MYO16: variants seen among roughly 807,000 people sequenced by gnomAD.
The protein encoded by MYO16 is myosin XVI.
A neutral mutation model predicts 205.3 loss-of-function variants in MYO16; 94 were observed. The observed-to-expected ratio is 0.46, with a 90% CI of 0.39 to 0.54. The LOEUF (loss-of-function observed/expected upper bound fraction) is 0.54, where lower values mean the gene tolerates loss of function less well. Among genes scored for constraint, MYO16 ranks in the 20% least tolerant of loss-of-function variants. MYO16 has a pLI of 0.00. For synonymous variants in MYO16, 988 were observed against 954.0 expected (o/e 1.04, Z -0.66); for missense variants, 2,315 against 2,387.5 (o/e 0.97, Z 0.63).
intron 32 of MYO16, among the ~76,000 whole-genome samples, chr13:109,160,647 GTATTCAC>G (rs1441804773): frequency 6.6e-6 from 1 of 152,136 alleles, no homozygotes; most frequent in Non-Finnish European, 1.5e-5. Context: ...AGGATGTACA[GTATTCAC>G]TTCCTTAGTT....
chr13:109,084,591 A>C (rs1330588915), intron 27 of MYO16, among the ~76,000 whole-genome samples: 1 of 152,218 alleles, frequency 6.6e-6, no homozygotes, highest in Non-Finnish European at 1.5e-5. Flanking sequence ...TATTAGAATC[A>C]TATTAAATAA....
intron 9 of MYO16, among the ~76,000 whole-genome samples, chr13:108,825,175 A>G (rs1876185036): frequency 6.6e-6 from 1 of 152,122 alleles, no homozygotes; most frequent in Non-Finnish European, 1.5e-5. Context: ...AGGTTGAGCC[A>G]CATATAAAAA....
intron 34 of MYO16, among the ~76,000 whole-genome samples, chr13:109,180,601 G>A (rs912100845): frequency 4.6e-5 from 7 of 152,144 alleles, no homozygotes; most frequent in Non-Finnish European, 8.8e-5. Context: ...GGAATATTTA[G>A]CATTATAGAG....
chr13:108,694,661 G>T (rs1165219388), intron 2 of MYO16, among the ~76,000 whole-genome samples: 3 of 151,956 alleles, frequency 2.0e-5, no homozygotes, highest in Non-Finnish European at 4.4e-5. Flanking sequence ...CATTCTGTGG[G>T]TTTTTAACAT....
At chr13:108,699,970 A>G (rs1466070727) in intron 2 of MYO16, among the ~76,000 whole-genome samples, 1 of 152,172 alleles carries the variant, frequency 6.6e-6, no homozygotes, top group East Asian at 1.9e-4. Flanking sequence ...TTCATAAAGC[A>G]CTGAGAACAC....
intron 21 of MYO16, among the ~76,000 whole-genome samples, chr13:109,002,116 C>G (rs1336983875): frequency 6.6e-6 from 1 of 152,256 alleles, no homozygotes; most frequent in South Asian, 2.1e-4. Context: ...TGCCTGCACC[C>G]CACTCCAATT....
At chr13:108,835,677 T>C (rs2139051649) in intron 9 of MYO16, among the ~76,000 whole-genome samples, 1 of 152,230 alleles carries the variant, frequency 6.6e-6, no homozygotes, top group South Asian at 2.1e-4. Context: ...ATATGGACAA[T>C]GAAGTCCAGG....
chr13:108,669,003 A>C (rs1881864803), intron 2 of MYO16, among the ~76,000 whole-genome samples: 2 of 152,078 alleles, frequency 1.3e-5, no homozygotes, highest in Non-Finnish European at 2.9e-5. Flanking sequence ...GTTGTGAATG[A>C]GATGGGGTGG....
At chr13:108,939,939 G>T (rs1594411675) in intron 16 of MYO16, among the ~76,000 whole-genome samples, 1 of 152,122 alleles carries the variant, frequency 6.6e-6, no homozygotes, top group African/African-American at 2.4e-5. Context: ...AAGTAGAGGA[G>T]AATTTGTCCT....
At chr13:108,827,513 C>A (rs1008343174) in intron 9 of MYO16, among the ~76,000 whole-genome samples, 1 of 152,144 alleles carries the variant, frequency 6.6e-6, no homozygotes, top group Non-Finnish European at 1.5e-5. Flanking sequence ...CCATATTTCA[C>A]GTTTTCTAAG....
At chr13:109,136,506 T>C (rs928421080) in intron 31 of MYO16, among the ~76,000 whole-genome samples, 3 of 152,238 alleles carry the variant, frequency 2.0e-5, no homozygotes, top group African/African-American at 7.2e-5. Context: ...TAGTTCTTTC[T>C]TTACTTTATC....
At chr13:109,029,395 G>T (rs1476224488) in intron 23 of MYO16, among the ~76,000 whole-genome samples, 1 of 151,964 alleles carries the variant, frequency 6.6e-6, no homozygotes, top group African/African-American at 2.4e-5. Flanking sequence ...CATGCTTGCG[G>T]GATCTCTGTC....
At chr13:108,605,942 T>C (rs1256540076) in intron 1 of MYO16, among the ~76,000 whole-genome samples, 3 of 152,150 alleles carry the variant, frequency 2.0e-5, no homozygotes, top group South Asian at 2.1e-4. Flanking sequence ...AAAATTCTGA[T>C]AGTGATATGG....
chr13:109,066,255 T>C (rs902525539), intron 27 of MYO16, among the ~76,000 whole-genome samples: 2 of 152,208 alleles, frequency 1.3e-5, no homozygotes, highest in Admixed American at 1.3e-4. Context: ...TTGTTACATG[T>C]TGGAGATGCC....
chr13:109,148,200 T>C (rs186141054), intron 32 of MYO16, among the ~76,000 whole-genome samples: 2 of 152,274 alleles, frequency 1.3e-5, no homozygotes, highest in East Asian at 1.9e-4. Flanking sequence ...ACCAAATTTA[T>C]CTATGTTAAG....
intron 1 of MYO16, among the ~76,000 whole-genome samples, chr13:108,596,746 G>A (rs6492126): frequency 0.97 from 147,757 of 152,284 alleles, 71,850 homozygotes; most frequent in East Asian, 1. Flanking sequence ...TTTTGCATAT[G>A]TCATATTTTC....
chr13:109,087,763 C>T (rs1475573490), intron 27 of MYO16, among the ~76,000 whole-genome samples: 1 of 152,208 alleles, frequency 6.6e-6, no homozygotes, highest in African/African-American at 2.4e-5. Context: ...CTAAATCTAC[C>T]TGTTTAATTT....
Position 109,076,382 on chromosome 13 carries a change from TG to T in MYO16, c.3335+20788del, listed in dbSNP as rs1487180217. ...TCTTTCTTCTAATATAAACATTTAA[TG>T]TAAACTTCCCTCTGTTTGTTGAAAC... On this transcript the variant is annotated intron_variant, in intron 27 of 34. Coordinates refer to ENST00000457511, the MANE Select transcript of MYO16 (RefSeq NM_001198950.3). Among the ~76,000 whole-genome samples, 7 of 152,296 alleles carry T rather than the reference TG, an allele frequency of 4.6e-5. No homozygotes were observed. The East Asian group carries it at 1.4e-3, about 29-fold the overall frequency.
chr13:108,590,953 G>A, the MYO16 span, among the ~76,000 whole-genome samples: 5 of 152,288 alleles, frequency 3.3e-5, no homozygotes, highest in East Asian at 9.6e-4. Flanking sequence ...GGCAGTCCTA[G>A]GAAATTAATA....
Sources: gnomAD v4.1 joint callset for allele counts (sites outside exome capture counted in the v4.1 genomes callset) on GRCh38, gnomAD v4.1.1 for gene constraint, MANE v1.5 for transcripts, NCBI Gene and HGNC (gene_info 2026-07-23, HGNC 2026-07-21) for gene names.